Variants in ZC2HC1B observed in about 807,000 individuals in gnomAD.
ZC2HC1B encodes the protein zinc finger C2HC domain-containing protein 1B.
In ZC2HC1B, 36 loss-of-function variants were observed where a neutral mutation model predicts 31.0. The ratio of observed to expected loss-of-function variants is 1.16; its 90% CI spans 0.89 to 1.54. The LOEUF (loss-of-function observed/expected upper bound fraction) is 1.54. Among genes scored for constraint, ZC2HC1B ranks in the 40% most tolerant of loss-of-function variants. The probability of loss-of-function intolerance (pLI) is 0.00; values close to 1 mark genes in which losing one functional copy is unlikely to be tolerated. For synonymous variants in ZC2HC1B, 73 were observed against 88.0 expected (o/e 0.83, Z 0.95); for missense variants, 260 against 268.6 (o/e 0.97, Z 0.22).
rs1325617848 is a variant in ZC2HC1B, at chr6:143,911,039, C to CA, written c.598+7888dup. ...AAGTGCTAGGATTACAGGCATGAGC[C>CA]ACTGCGCCCAGCCCTTTGTTGGTTT... On this transcript the variant is annotated intron_variant, in intron 6 of 7. Coordinates refer to ENST00000237275, the MANE Select transcript of ZC2HC1B (RefSeq NM_001013623.3). The surrounding 1 kb of genome is among the most constrained non-coding windows in gnomAD (Gnocchi z 4.5). Among the ~76,000 whole-genome samples, 1 of 152,178 alleles carries CA rather than the reference C, an allele frequency of 6.6e-6. No homozygotes were observed. The highest frequency in any genetic ancestry group is 6.5e-5 in the Admixed American group (1 of 15,276).
rs1288672232 is a variant in ZC2HC1B at position 143,918,323 on chromosome 6, G to C, written c.598+15171G>C. Among the ~76,000 whole-genome samples, 1 of 152,064 alleles carries C rather than the reference G, an allele frequency of 6.6e-6. No individual in the cohort carries two copies. The highest frequency in any genetic ancestry group is 6.5e-5 in the Admixed American group (1 of 15,272). ...CTCTTCCCTTACTTTTTGAAGGACA[G>C]TTTTTCTGTATATGAGATTTTTGGT... On this transcript the variant is annotated intron_variant, in intron 6 of 7. Coordinates refer to ENST00000237275, the MANE Select transcript of ZC2HC1B (RefSeq NM_001013623.3). This position sits in a 1 kb window ranked among gnomAD's most constrained non-coding sequence, Gnocchi z 4.1.
chr6:143,888,906 T>C (rs931302216), intron 4 of ZC2HC1B, among the ~76,000 whole-genome samples: 17 of 152,176 alleles, frequency 1.1e-4, no homozygotes, highest in African/African-American at 3.4e-4. Context: ...CTAAATCCTC[T>C]GGCTAGAACT....
chr6:143,898,303 G>T (rs1777693236), intron 4 of ZC2HC1B, among the ~76,000 whole-genome samples: 1 of 152,096 alleles, frequency 6.6e-6, no homozygotes, highest in Admixed American at 6.5e-5. Flanking sequence ...CAAGTGGCTG[G>T]AACCACAGGC....
At position 143,899,778 on chromosome 6, in the gene ZC2HC1B, TC is replaced by T. The variant is rs1777713590; in HGVS notation, c.489+1091del. 6.6e-6 allele frequency among the ~76,000 whole-genome samples: 1 copy of T among 152,156 alleles called. No individual in the cohort carries two copies. Among genetic ancestry groups the T allele is most frequent in the Non-Finnish European group, 1.5e-5 (1 of 68,032 alleles). Reference sequence around the variant, plus strand: ...CACAGACTGTGGATCCTGAGCGCTATCCCCTTAAGCATTAGAAGGTTATTGA... The same window carrying T: ...CACAGACTGTGGATCCTGAGCGCTATCCCTTAAGCATTAGAAGGTTATTGA... On this transcript the variant is annotated intron_variant, in intron 5 of 7. Transcript: ENST00000237275. This position sits in a 1 kb window ranked among gnomAD's most constrained non-coding sequence, Gnocchi z 5.0.
chr6:143,864,662 C>T (rs1777234450), intron 1 of ZC2HC1B, 95 bp downstream of exon 1: 8 of 1,322,314 alleles, frequency 6.0e-6, no homozygotes, highest in East Asian at 2.5e-5. Context: ...TTAGCTTGTT[C>T]TACCATGTGT....
At chr6:143,874,202 C>T (rs1249345921) in intron 1 of ZC2HC1B, among the ~76,000 whole-genome samples, 1 of 152,156 alleles carries the variant, frequency 6.6e-6, no homozygotes. Flanking sequence ...CAAGAGTCAC[C>T]CTTGCTTCAG....
chr6:143,923,683 C>G lies in ZC2HC1B; in HGVS notation c.599-13966C>G, dbSNP rs1223740064. 6.6e-6 allele frequency among the ~76,000 whole-genome samples: 1 copy of G among 152,008 alleles called. No homozygotes were observed. The highest frequency in any genetic ancestry group is 6.5e-5 in the Admixed American group (1 of 15,270). On this transcript the variant is annotated intron_variant, in intron 6 of 7. Transcript: ENST00000237275. This position sits in a 1 kb window ranked among gnomAD's most constrained non-coding sequence, Gnocchi z 4.8. ...TTCTGTACTTGGATATCCAGTTTTC[C>G]CTGTACCATTATTGAAGAGGATGCC... is the stretch of plus-strand genomic sequence containing the variant.
At chr6:143,937,913 G>A (rs1778197111) in intron 7 of ZC2HC1B, among the ~76,000 whole-genome samples, 180 bp downstream of exon 7, 1 of 152,228 alleles carries the variant, frequency 6.6e-6, no homozygotes, top group South Asian at 2.1e-4. Context: ...AGGATATTCA[G>A]TTTTTGATTC....
chr6:143,920,062 T>C (rs1777969952), intron 6 of ZC2HC1B, among the ~76,000 whole-genome samples: 1 of 152,196 alleles, frequency 6.6e-6, no homozygotes, highest in South Asian at 2.1e-4. Context: ...TAAGCTTTTT[T>C]CTAAAGTACA....
chr6:143,930,216 G>A (rs1476182988), intron 6 of ZC2HC1B, among the ~76,000 whole-genome samples: 1 of 151,752 alleles, frequency 6.6e-6, no homozygotes, highest in South Asian at 2.1e-4. Flanking sequence ...TAATGTAGGT[G>A]TTTAATGCTA....
chr6:143,898,564 G>A lies in ZC2HC1B; in HGVS notation c.362G>A (p.Arg121His), dbSNP rs1055785109. 8.4e-6 allele frequency: 13 copies of A among 1,551,624 alleles called. No homozygotes were observed. The highest frequency in any genetic ancestry group is 7.3e-5 in the East Asian group (3 of 40,920). Residue 121 changes from arginine (R) to histidine (H), a missense_variant, in exon 5 of 8, where the codon CGT (arginine) becomes CAT (histidine). Coordinates refer to ENST00000237275, the MANE Select transcript of ZC2HC1B (RefSeq NM_001013623.3). ...TCTTTACATTCAGATTATATTCAAC[G>A]TCCATATTGTATGAGAAGGTTTAAT... The part of the protein sequence containing the change: ...PPSLNPDYIQ[R>H]PYCMRRFNES...
chr6:143,902,921 G>A, intron 5 of ZC2HC1B, 123 bp from the exon 6 acceptor site: 2 of 813,694 alleles, frequency 2.5e-6, no homozygotes, highest in Non-Finnish European at 3.9e-6. Flanking sequence ...CCTGGATTCA[G>A]GGAGTCCCTG....
At chr6:143,891,448 C>T (rs1385072867) in intron 4 of ZC2HC1B, among the ~76,000 whole-genome samples, 2 of 151,138 alleles carry the variant, frequency 1.3e-5, no homozygotes, top group Non-Finnish European at 3.0e-5. Context: ...CACCTATAAT[C>T]CCAGCACTTT....
Position 143,884,470 on chromosome 6 carries a change from A to G in ZC2HC1B, c.90+105A>G. 1.4e-5 allele frequency: 15 copies of G among 1,094,220 alleles called. No homozygotes were observed. The highest frequency in any genetic ancestry group is 1.9e-5 in the Non-Finnish European group (15 of 777,644). The allele number at this position is 1,094,220 out of a possible 1,614,324, so 67.8% of individuals were successfully genotyped here. A position where few individuals can be genotyped will look rare whatever the true frequency, so the allele number is the denominator to read the frequency against. ...AGATTAAAGACAGATGTGGAGGGGA[A>G]GCAAGGGAAGAGGAAAAGTACATAA... On this transcript the variant is annotated intron_variant, in intron 2 of 7. Coordinates refer to ENST00000237275, the MANE Select transcript of ZC2HC1B (RefSeq NM_001013623.3). This position sits in a 1 kb window ranked among gnomAD's most constrained non-coding sequence, Gnocchi z 5.1.
intron 6 of ZC2HC1B, among the ~76,000 whole-genome samples, chr6:143,926,408 T>C (rs140906154): frequency 0.011 from 1,643 of 151,858 alleles, 35 homozygotes; most frequent in Admixed American, 0.053. Flanking sequence ...AATTTCCATG[T>C]ATTTGTATAG....
At chr6:143,930,204 T>A (rs1778101909) in intron 6 of ZC2HC1B, among the ~76,000 whole-genome samples, 1 of 152,052 alleles carries the variant, frequency 6.6e-6, no homozygotes, top group Non-Finnish European at 1.5e-5. Context: ...TCTTTCTTTT[T>A]TTAATGTAGG....
intron 6 of ZC2HC1B, among the ~76,000 whole-genome samples, chr6:143,931,833 C>T (rs1451023941): frequency 6.8e-6 from 1 of 148,040 alleles, no homozygotes; most frequent in Non-Finnish European, 1.5e-5. Context: ...GATGAATTTC[C>T]AAGGTGTTCT....
At chr6:143,910,491 C>T (rs1201105474) in intron 6 of ZC2HC1B, among the ~76,000 whole-genome samples, 1 of 152,158 alleles carries the variant, frequency 6.6e-6, no homozygotes, top group Non-Finnish European at 1.5e-5. Context: ...CCACTTGATC[C>T]AGAGCTGAGT....
intron 5 of ZC2HC1B, 137 bp downstream of exon 5, chr6:143,898,828 C>G: frequency 1.8e-6 from 2 of 1,113,748 alleles, no homozygotes; most frequent in Non-Finnish European, 2.5e-6. Flanking sequence ...TTGCTCACCC[C>G]TGTGGGAGCT....
Sources: allele counts gnomAD v4.1 joint callset (sites outside exome capture counted in the v4.1 genomes callset), GRCh38; gene constraint gnomAD v4.1.1; non-coding constraint Gnocchi (gnomAD v3.1); transcripts MANE v1.5; gene names NCBI Gene and HGNC (gene_info 2026-07-23, HGNC 2026-07-21).